NLGN1: variants seen among roughly 807,000 people sequenced by gnomAD.
NLGN1 encodes neuroligin 1, also known as neuroligin-1.
In NLGN1, 12 loss-of-function variants were observed where a neutral mutation model predicts 65.5. That is an observed-to-expected ratio of 0.18 (90% CI 0.12 to 0.30). NLGN1 has a LOEUF of 0.30. NLGN1 is among the 10% of genes least tolerant of loss of function. NLGN1 has a pLI of 1.00. For synonymous variants in NLGN1, 350 were observed against 359.5 expected (o/e 0.97, Z 0.30); for missense variants, 750 against 1,007.1 (o/e 0.74, Z 3.46).
chr3:173,875,181 T>C (rs1011223869), intron 4 of NLGN1, among the ~76,000 whole-genome samples: 2 of 152,336 alleles, frequency 1.3e-5, no homozygotes, highest in African/African-American at 4.8e-5. Flanking sequence ...AGAAGGTGTT[T>C]GACCACTGCG....
chr3:173,545,088 G>GT (rs1176756199), intron 2 of NLGN1, among the ~76,000 whole-genome samples: 1 of 151,430 alleles, frequency 6.6e-6, no homozygotes, highest in African/African-American at 2.4e-5. Flanking sequence ...GTTTTGTTTT[G>GT]TTTGAGATGG....
chr3:174,087,817 G>A (rs1743714410), intron 4 of NLGN1, among the ~76,000 whole-genome samples: 1 of 152,176 alleles, frequency 6.6e-6, no homozygotes, highest in Non-Finnish European at 1.5e-5. Flanking sequence ...AATAAGAAAT[G>A]CAGTCAGTCA....
At chr3:173,419,207 TACAG>T (rs1560225225) in intron 1 of NLGN1, among the ~76,000 whole-genome samples, 1 of 151,612 alleles carries the variant, frequency 6.6e-6, no homozygotes, top group East Asian at 1.9e-4. Context: ...CGCTTTCTCT[TACAG>T]ACAAAGTACA....
At chr3:174,276,547 A>AATT (rs1456645113) in intron 5 of NLGN1, among the ~76,000 whole-genome samples, 2 of 151,914 alleles carry the variant, frequency 1.3e-5, no homozygotes, top group African/African-American at 4.8e-5. Flanking sequence ...GAAGTGTTTT[A>AATT]ATTTGTAAGG....
At chr3:173,510,064 G>A (rs1732681888) in intron 2 of NLGN1, among the ~76,000 whole-genome samples, 1 of 152,122 alleles carries the variant, frequency 6.6e-6, no homozygotes, top group South Asian at 2.1e-4. Flanking sequence ...TCTACATATG[G>A]AACAATGTAC....
At chr3:174,056,689 C>T (rs1354207168) in intron 4 of NLGN1, among the ~76,000 whole-genome samples, 1 of 151,922 alleles carries the variant, frequency 6.6e-6, no homozygotes, top group Non-Finnish European at 1.5e-5. Flanking sequence ...TTTAATAAAA[C>T]ACTAAGTGTC....
At chr3:173,866,685 AT>A (rs1173565158) in intron 4 of NLGN1, among the ~76,000 whole-genome samples, 5 of 152,190 alleles carry the variant, frequency 3.3e-5, no homozygotes, top group African/African-American at 1.2e-4. Flanking sequence ...AAGAAATCTC[AT>A]GGAAGATGTT....
chr3:174,131,643 CTGTT>C (rs1192197280), intron 4 of NLGN1, among the ~76,000 whole-genome samples: 1 of 152,164 alleles, frequency 6.6e-6, no homozygotes, highest in East Asian at 1.9e-4. Context: ...TTATATATGT[CTGTT>C]TAAGTAAACT....
intron 4 of NLGN1, among the ~76,000 whole-genome samples, chr3:174,147,792 G>T (rs1246565663): frequency 6.6e-6 from 1 of 152,088 alleles, no homozygotes; most frequent in South Asian, 2.1e-4. Context: ...GGAAGAAAGG[G>T]TGTGGGAATT....
At chr3:174,122,880 A>C (rs951427327) in intron 4 of NLGN1, among the ~76,000 whole-genome samples, 1 of 152,028 alleles carries the variant, frequency 6.6e-6, no homozygotes, top group Non-Finnish European at 1.5e-5. Flanking sequence ...AATTTGTTTC[A>C]GCAGCATGCT....
intron 4 of NLGN1, among the ~76,000 whole-genome samples, chr3:173,890,197 G>T (rs962379357): frequency 6.6e-6 from 1 of 152,116 alleles, no homozygotes; most frequent in East Asian, 1.9e-4. Flanking sequence ...CCTTATAAAA[G>T]TGAAGGTATT....
At chr3:173,450,022 C>G (rs1721178764) in intron 2 of NLGN1, among the ~76,000 whole-genome samples, 1 of 152,154 alleles carries the variant, frequency 6.6e-6, no homozygotes, top group Non-Finnish European at 1.5e-5. Context: ...ATCCAATTTG[C>G]CAGTCTGTGC....
intron 4 of NLGN1, among the ~76,000 whole-genome samples, chr3:173,949,177 A>G (rs1747740355): frequency 6.6e-6 from 1 of 152,076 alleles, no homozygotes; most frequent in South Asian, 2.1e-4. Context: ...TAAAAATAGC[A>G]TGTTTTAGAT....
chr3:173,754,029 T>G (rs1376647390), intron 3 of NLGN1, among the ~76,000 whole-genome samples: 5 of 146,502 alleles, frequency 3.4e-5, no homozygotes, highest in Admixed American at 6.8e-5. Flanking sequence ...CTTTTCTTTT[T>G]TTTTTTTTGT....
chr3:173,446,900 T>C (rs2148823635), intron 2 of NLGN1, among the ~76,000 whole-genome samples: 1 of 152,344 alleles, frequency 6.6e-6, no homozygotes, highest in East Asian at 1.9e-4. Context: ...TGCCCACTTT[T>C]TGATGGGGTT....
chr3:173,630,679 A>G (rs1447463321), intron 3 of NLGN1, among the ~76,000 whole-genome samples: 1 of 152,016 alleles, frequency 6.6e-6, no homozygotes, highest in African/African-American at 2.4e-5. Context: ...AGGCCTATTT[A>G]TTATCTCTTC....
At chr3:173,902,180 A>C (rs1737503460) in intron 4 of NLGN1, among the ~76,000 whole-genome samples, 1 of 152,068 alleles carries the variant, frequency 6.6e-6, no homozygotes, top group Non-Finnish European at 1.5e-5. Context: ...TTTAGCTTGA[A>C]TACTTTTTCT....
chr3:173,494,571 C>G (rs1355117893), intron 2 of NLGN1, among the ~76,000 whole-genome samples: 2 of 151,680 alleles, frequency 1.3e-5, no homozygotes, highest in Non-Finnish European at 2.9e-5. Context: ...TTGTTTTTCT[C>G]TCTTTGCTTA....
intron 4 of NLGN1, among the ~76,000 whole-genome samples, chr3:173,878,004 T>A (rs1369325385): frequency 6.6e-6 from 1 of 152,128 alleles, no homozygotes; most frequent in Non-Finnish European, 1.5e-5. Context: ...GGAATACAGT[T>A]ACCATAATAA....
Sources: gnomAD v4.1 joint callset for allele counts (sites outside exome capture counted in the v4.1 genomes callset) on GRCh38, gnomAD v4.1.1 for gene constraint, MANE v1.5 for transcripts, NCBI Gene and HGNC (gene_info 2026-07-23, HGNC 2026-07-21) for gene names.